PLA2G4D: variants seen among roughly 807,000 people sequenced by gnomAD.
The protein encoded by PLA2G4D is phospholipase A2 group IVD.
In PLA2G4D, 80 loss-of-function variants were observed where a neutral mutation model predicts 94.4. The ratio of observed to expected loss-of-function variants is 0.85; its 90% CI spans 0.71 to 1.02. PLA2G4D has a LOEUF of 1.02. PLA2G4D is among the 50% of genes least tolerant of loss of function. The pLI is 0.00. For synonymous variants in PLA2G4D, 438 were observed against 440.9 expected (o/e 0.99, Z 0.08); for missense variants, 1,050 against 1,034.7 (o/e 1.01, Z -0.20).
Position 42,079,677 on chromosome 15 carries a change from C to A in PLA2G4D, c.1177G>T (p.Ala393Ser), listed in dbSNP as rs199835123. ...GAAAAGACCTCCAGCTTGCTCTTGG[C>A]CAGGTGCTCCCGGGCGTATCTGATA... ...GPIRYAREHLAKSKLEVFSPE... is the reference protein window; with the variant it reads ...GPIRYAREHLSKSKLEVFSPE... Residue 393 changes from alanine to serine, a missense_variant, in exon 13 of 20, where the codon GCC becomes TCC. Physicochemically the swap from Ala to Ser is moderately conservative, Grantham distance 99 (BLOSUM62 1). Transcript: ENST00000290472. The A allele has an allele frequency of 9.9e-6, 16 of 1,612,934 alleles. No individual in the cohort carries two copies. The East Asian group carries it at 3.6e-4, about 36-fold the overall frequency.
At chr15:42,075,953 G>C (rs1329347513) in intron 13 of PLA2G4D, among the ~76,000 whole-genome samples, 1 of 151,074 alleles carries the variant, frequency 6.6e-6, no homozygotes, top group Non-Finnish European at 1.5e-5. Context: ...AAGGAAGGAA[G>C]GAAGGAAGGA....
intron 12 of PLA2G4D, 74 bp from the exon 13 acceptor site, chr15:42,079,833 C>G (rs1027464041): frequency 3.5e-6 from 5 of 1,445,304 alleles, no homozygotes; most frequent in Non-Finnish European, 4.7e-6. Context: ...GCTTCCCACT[C>G]GGCAGCTTCT....
chr15:42,083,398 A>T (rs1305528025), intron 7 of PLA2G4D, 64 bp from the exon 8 acceptor site: 1 of 1,553,760 alleles, frequency 6.4e-7, no homozygotes, highest in Non-Finnish European at 8.7e-7. Flanking sequence ...CGGACCTGGG[A>T]CAGCAGCACC....
chr15:42,068,395 C>G lies in PLA2G4D; in HGVS notation c.*320G>C. 2 of 332,538 alleles carry G rather than the reference C, an allele frequency of 6.0e-6. No individual in the cohort carries two copies. The highest frequency in any genetic ancestry group is 5.7e-6 in the Non-Finnish European group (1 of 175,640). 20.6% of individuals were successfully genotyped at this position (332,538 alleles called of 1,614,324 possible). A position where few individuals can be genotyped will look rare whatever the true frequency, so the allele number is the denominator to read the frequency against. On this transcript the variant is annotated 3_prime_UTR_variant, in exon 20 of 20. Transcript: ENST00000290472. ...ATCCCCTGTCCTTCCTGTCCCTACT[C>G]CTGATCTGCTGCCTCCGGCTTGCAC...
At position 42,079,589 on chromosome 15, in the gene PLA2G4D, G is replaced by A. The variant is rs556925463; in HGVS notation, c.1265C>T (p.Thr422Met). 9.9e-6 allele frequency: 16 copies of A among 1,608,722 alleles called. No individual in the cohort carries two copies. The highest frequency in any genetic ancestry group is 1.3e-5 in the Non-Finnish European group (15 of 1,178,682). ...LELRAEQGHP[T>M]TFVDLWALVL... is the part of the protein sequence containing the mutation. The stretch of plus-strand genomic sequence containing the variant: ...TAGCGCCCACAGGTCCACAAAGGTC[G>A]TGGGGTGGCCCTGCTCAGCCCGCAG... Residue 422 changes from threonine to methionine, a missense_variant, in exon 13 of 20, where the codon ACG becomes ATG. Transcript: ENST00000290472.
chr15:42,089,083 C>T (rs937513554), intron 1 of PLA2G4D, among the ~76,000 whole-genome samples: 2 of 152,264 alleles, frequency 1.3e-5, no homozygotes, highest in African/African-American at 4.8e-5. Context: ...TGTCCCTTCA[C>T]CCGCTCCTCC....
chr15:42,093,618 T>C (rs1890284795), intron 1 of PLA2G4D, among the ~76,000 whole-genome samples: 1 of 152,090 alleles, frequency 6.6e-6, no homozygotes, highest in South Asian at 2.1e-4. Flanking sequence ...CCTCTCATCT[T>C]CCCCCAGGGC....
chr15:42,082,760 T>TGAG (rs377616093), intron 8 of PLA2G4D, among the ~76,000 whole-genome samples: 83 of 151,522 alleles, frequency 5.5e-4, no homozygotes, highest in African/African-American at 1.8e-3. Flanking sequence ...GCTAAGATGT[T>TGAG]GAGGAGGAGG....
Position 42,083,283 on chromosome 15 carries a change from G to T in PLA2G4D, c.587C>A (p.Thr196Lys), listed in dbSNP as rs1157770455. 6.2e-7 allele frequency: 1 copy of T among 1,614,164 alleles called. No individual in the cohort carries two copies. The highest frequency in any genetic ancestry group is 1.7e-5 in the Admixed American group (1 of 60,022). ...GGCTGTGCCCAGGAAGGATGTCTGT[G>T]TGTCCTCATAGGACCCCTTCAGCAC... Reference protein sequence around the residue: ...ELVLKGSYEDTQTSFLGTASA... With the variant: ...ELVLKGSYEDKQTSFLGTASA... The change falls in exon 8 of 20, where the codon ACA becomes AAA. Residue 196 changes from threonine to lysine, a missense_variant. Coordinates refer to ENST00000290472, the MANE Select transcript of PLA2G4D (RefSeq NM_178034.4).
intron 8 of PLA2G4D, 72 bp downstream of exon 8, chr15:42,083,126 C>G: frequency 6.4e-7 from 1 of 1,552,420 alleles, no homozygotes; most frequent in Non-Finnish European, 8.7e-7. Context: ...GCAGGGAAGG[C>G]AGGGAGGGGC....
At chr15:42,070,917 AC>A in intron 17 of PLA2G4D, 34 bp from the exon 18 acceptor site, 1 of 1,586,468 alleles carries the variant, frequency 6.3e-7, no homozygotes, top group East Asian at 2.3e-5. Flanking sequence ...AGAGGCCACC[AC>A]CCTGCCACAG....
At chr15:42,077,073 G>A (rs1889944509) in intron 13 of PLA2G4D, among the ~76,000 whole-genome samples, 1 of 133,528 alleles carries the variant, frequency 7.5e-6, no homozygotes, top group Admixed American at 8.4e-5. Context: ...AACAAGCAAT[G>A]AGATTGAAGC....
chr15:42,083,385 G>C lies in PLA2G4D; in HGVS notation c.536-51C>G. The stretch of plus-strand genomic sequence containing the variant: ...ATGAGAACAAGAGCCCGGAACCCCA[G>C]CTCGGACCTGGGACAGCAGCACCAC... On this transcript the variant is annotated intron_variant, in intron 7 of 19. Transcript: ENST00000290472. 7 of 1,573,368 alleles carry C rather than the reference G, an allele frequency of 4.4e-6. No individual in the cohort carries two copies. In the South Asian group the frequency reaches 7.0e-5, roughly 16 times the overall value.
In PLA2G4D at chr15:42,071,890, T is replaced by A. The variant is rs142872485; in HGVS notation, c.1457A>T (p.Tyr486Phe). ...CCCGTACTTCAGGAAACCGACCTCA[T>A]AGGGGGAGAACTCAACCCACTCTAA... Reference protein sequence around the residue: ...DFKEWVEFSPYEVGFLKYGAF... With the variant: ...DFKEWVEFSPFEVGFLKYGAF... Residue 486 changes from tyrosine to phenylalanine, a missense_variant, in exon 15 of 20, where the codon TAT becomes TTT. Tyr to Phe is a conservative substitution (Grantham distance 22). Transcript: ENST00000290472. The A allele has an allele frequency of 6.2e-7, 1 of 1,614,012 alleles. No homozygotes were observed. The highest frequency in any genetic ancestry group is 1.7e-5 in the Admixed American group (1 of 60,020).
rs936481930 is a variant in PLA2G4D, at chr15:42,081,547, T to C, written c.889A>G (p.Arg297Gly). The change falls in exon 11 of 20, where the codon AGG (arginine) becomes GGG (glycine). Residue 297 changes from arginine (R) to glycine (G), a missense_variant. Coordinates refer to ENST00000290472, the MANE Select transcript of PLA2G4D (RefSeq NM_178034.4). ...CAEEQAFLSRRKQVVAKALKQ... is the reference protein window; with the variant it reads ...CAEEQAFLSRGKQVVAKALKQ... Reference sequence around the variant, plus strand: ...AGGGCCTTGGCCACCACCTGCTTCCTCCTGCTCAGGAAGGCCTGCTCCTCT... The same window carrying C: ...AGGGCCTTGGCCACCACCTGCTTCCCCCTGCTCAGGAAGGCCTGCTCCTCT... 2.2e-5 allele frequency: 35 copies of C among 1,614,060 alleles called. No homozygotes were observed. The highest frequency in any genetic ancestry group is 2.9e-5 in the Non-Finnish European group (34 of 1,180,018).
chr15:42,085,552 C>G, intron 4 of PLA2G4D, 21 bp from the exon 5 acceptor site: 1 of 1,612,018 alleles, frequency 6.2e-7, no homozygotes, highest in Non-Finnish European at 8.5e-7. Flanking sequence ...AGAGCATGAG[C>G]AAGTCATCAG....
rs773917547 is a variant in PLA2G4D at position 42,070,712 on chromosome 15, G to A, written c.2043+5C>T. On this transcript the variant is annotated splice_donor_5th_base_variant and intron_variant, in intron 18 of 19. Transcript: ENST00000290472. The stretch of plus-strand genomic sequence containing the variant: ...AGAGGGGTTCCCCTGGGGTGACCAG[G>A]GTACCTCGAAGGGCGCAGATAGGGA... The A allele has an allele frequency of 1.4e-5, 22 of 1,552,614 alleles. No homozygotes were observed. The East Asian group carries it at 5.4e-4, about 38-fold the overall frequency.
rs1307204293 is a variant in PLA2G4D at position 42,068,228 on chromosome 15, A to C, written c.*487T>G. The C allele has an allele frequency of 6.5e-6, 1 of 154,290 alleles. No individual in the cohort carries two copies. The highest frequency in any genetic ancestry group is 2.4e-5 in the African/African-American group (1 of 41,496). 9.6% of individuals were successfully genotyped at this position (154,290 alleles called of 1,614,324 possible). A position where few individuals can be genotyped will look rare whatever the true frequency, so the allele number is the denominator to read the frequency against. ...TTAGGAATAAATTTAAACAAGTACAAGACTTGGATACGGAAAGCAGGAGGA... is the reference window on the plus strand; with the variant it reads ...TTAGGAATAAATTTAAACAAGTACACGACTTGGATACGGAAAGCAGGAGGA... On this transcript the variant is annotated 3_prime_UTR_variant, in exon 20 of 20. Transcript: ENST00000290472.
At chr15:42,073,683 G>A (rs543564693) in intron 13 of PLA2G4D, among the ~76,000 whole-genome samples, 106 of 152,270 alleles carry the variant, frequency 7.0e-4, no homozygotes, top group African/African-American at 2.4e-3. Context: ...TGAAGCATGC[G>A]GACTTCTGGG....
Sources: allele counts gnomAD v4.1 joint callset (sites outside exome capture counted in the v4.1 genomes callset), GRCh38; gene constraint gnomAD v4.1.1; transcripts MANE v1.5; gene names NCBI Gene and HGNC (gene_info 2026-07-23, HGNC 2026-07-21).